Variants in ZC3H3 observed in about 807,000 individuals in gnomAD.
The protein encoded by ZC3H3 is zinc finger CCCH-type containing 3, also known as zinc finger CCCH domain-containing protein 3.
In ZC3H3, 36 loss-of-function variants were observed where a neutral mutation model predicts 77.3. That is an observed-to-expected ratio of 0.47 (90% CI 0.36 to 0.61). ZC3H3 has a LOEUF of 0.61. ZC3H3 is among the 20% of genes least tolerant of loss of function. The pLI, the probability that ZC3H3 is intolerant of heterozygous loss-of-function variation, is 0.00. For synonymous variants in ZC3H3, 626 were observed against 555.2 expected, an observed-to-expected ratio of 1.13 and a Z score of -1.79; for missense variants, 1,331 against 1,312.2, an observed-to-expected ratio of 1.01 and a Z score of -0.22.
At chr8:143,528,746 G>A (rs961173392) in intron 3 of ZC3H3, among the ~76,000 whole-genome samples, 3 of 152,208 alleles carry the variant, frequency 2.0e-5, no homozygotes, top group African/African-American at 7.2e-5. Context: ...GCTAAGCATG[G>A]TGACTGCCCC....
intron 4 of ZC3H3, among the ~76,000 whole-genome samples, chr8:143,490,479 C>G (rs748626205): frequency 1.3e-5 from 2 of 152,264 alleles, no homozygotes; most frequent in Non-Finnish European, 2.9e-5. Context: ...TGCTGTCACC[C>G]TCCTCCCCAG....
intron 4 of ZC3H3, among the ~76,000 whole-genome samples, chr8:143,499,439 C>T (rs940053614): frequency 6.6e-6 from 1 of 152,112 alleles, no homozygotes; most frequent in Non-Finnish European, 1.5e-5. Flanking sequence ...GCCCCTCTGT[C>T]CTGAGTGGGC....
chr8:143,472,038 C>A (rs902451749), intron 5 of ZC3H3, among the ~76,000 whole-genome samples: 2 of 151,924 alleles, frequency 1.3e-5, no homozygotes, highest in Non-Finnish European at 1.5e-5. Context: ...GGCTGGCCAG[C>A]GGGACACCGG....
At chr8:143,483,020 T>C (rs1185096084) in intron 4 of ZC3H3, among the ~76,000 whole-genome samples, 1 of 152,154 alleles carries the variant, frequency 6.6e-6, no homozygotes, top group African/African-American at 2.4e-5. Context: ...CAACGTGCAG[T>C]AAACAGGCAG....
intron 4 of ZC3H3, among the ~76,000 whole-genome samples, chr8:143,491,735 CCCT>C (rs1280508057): frequency 6.6e-6 from 1 of 152,226 alleles, no homozygotes; most frequent in African/African-American, 2.4e-5. Flanking sequence ...AGCAGAGCTG[CCCT>C]CAGGGGCAGG....
rs965826165 is a variant in ZC3H3 at position 143,518,717 on chromosome 8, G to A, written c.1562-10818C>T. Among the ~76,000 whole-genome samples the A allele has an allele frequency of 3.9e-5, 6 of 152,316 alleles. No homozygotes were observed. The East Asian group carries it at 5.8e-4, about 15-fold the overall frequency. On this transcript the variant is annotated intron_variant, in intron 3 of 11. Coordinates refer to ENST00000262577, the MANE Select transcript of ZC3H3 (RefSeq NM_015117.3). ...GGCCCACCAAAGCTGGAGATGGCAC[G>A]TGGGAGCCACAATCGCAGTCTCAGG...
chr8:143,455,462 C>T (rs1232399316), intron 9 of ZC3H3, among the ~76,000 whole-genome samples: 1 of 152,142 alleles, frequency 6.6e-6, no homozygotes, highest in Non-Finnish European at 1.5e-5. Flanking sequence ...TGCCACTGCA[C>T]TGCACTCCAG....
intron 9 of ZC3H3, among the ~76,000 whole-genome samples, chr8:143,455,794 G>A (rs1245615279): frequency 6.6e-6 from 1 of 151,500 alleles, no homozygotes; most frequent in Non-Finnish European, 1.5e-5. Flanking sequence ...CCAACATGGT[G>A]AAACCCCGTC....
At chr8:143,489,444 G>A (rs1443380912) in intron 4 of ZC3H3, among the ~76,000 whole-genome samples, 1 of 152,166 alleles carries the variant, frequency 6.6e-6, no homozygotes, top group Non-Finnish European at 1.5e-5. Context: ...TCCCACCGCG[G>A]CTGGGCCACG....
chr8:143,488,370 AT>A lies in ZC3H3; in HGVS notation c.1716-12786del, dbSNP rs1821101703. ...AGAACAGCACCCGCTACACGGCCCC[AT>A]CACCACGAAGCTCACACACAGAACA... is the stretch of plus-strand genomic sequence containing the variant. On this transcript the variant is annotated intron_variant, in intron 4 of 11. Coordinates refer to ENST00000262577, the MANE Select transcript of ZC3H3 (RefSeq NM_015117.3). Among the ~76,000 whole-genome samples the A allele has an allele frequency of 7.7e-5, 7 of 90,396 alleles. 1 individual carries two copies. Among genetic ancestry groups the A allele is most frequent in the African/African-American group, 3.8e-4 (7 of 18,408 alleles). The allele number at this position is 90,396 out of a possible 152,430, so 59.3% of individuals were successfully genotyped here. A position where few individuals can be genotyped will look rare whatever the true frequency, so the allele number is the denominator to read the frequency against.
chr8:143,467,955 G>C (rs1415557143), intron 8 of ZC3H3, among the ~76,000 whole-genome samples: 1 of 152,198 alleles, frequency 6.6e-6, no homozygotes, highest in Non-Finnish European at 1.5e-5. Context: ...GCCTGGTGCT[G>C]CCAGGAGAAG....
rs551776128 is a variant in ZC3H3, at chr8:143,534,279, T to TAAAA, written c.1561+1974_1561+1977dup. Among the ~76,000 whole-genome samples, 8 of 123,504 alleles carry TAAAA rather than the reference T, an allele frequency of 6.5e-5. 1 individual carries two copies. The South Asian group carries it at 8.5e-4, about 13-fold the overall frequency. 81.0% of individuals were successfully genotyped at this position (123,504 alleles called of 152,430 possible). On this transcript the variant is annotated intron_variant, in intron 3 of 11. Coordinates refer to ENST00000262577, the MANE Select transcript of ZC3H3 (RefSeq NM_015117.3). ...AGCAGGGCCCTGTTTCTAAAAACAT[T>TAAAA]AAAAAAAAAAAAAAAAACGACGAGA...
intron 10 of ZC3H3, among the ~76,000 whole-genome samples, chr8:143,440,687 G>T (rs1259783125): frequency 6.6e-6 from 1 of 152,232 alleles, no homozygotes; most frequent in Non-Finnish European, 1.5e-5. Context: ...CGGTCCCAGT[G>T]AGCAGGTCTC....
intron 9 of ZC3H3, among the ~76,000 whole-genome samples, chr8:143,459,926 C>T (rs4874134): frequency 0.12 from 18,431 of 152,096 alleles, 1,228 homozygotes; most frequent in South Asian, 0.18. Context: ...CCCACAGTTG[C>T]CATTTTAATT....
chr8:143,512,262 T>A lies in ZC3H3; in HGVS notation c.1562-4363A>T, dbSNP rs367896625. ...GCATTCCGGCCAGTCAGGCCCCCCATCCCTAATTCCTGAAGATTCCACCTT... is the reference window on the plus strand; with the variant it reads ...GCATTCCGGCCAGTCAGGCCCCCCAACCCTAATTCCTGAAGATTCCACCTT... On this transcript the variant is annotated intron_variant, in intron 3 of 11. Transcript: ENST00000262577. Among the ~76,000 whole-genome samples the A allele has an allele frequency of 2.4e-4, 37 of 152,320 alleles. No individual in the cohort carries two copies. The South Asian group carries it at 7.2e-3, about 30-fold the overall frequency.
Position 143,437,794 on chromosome 8 carries a change from A to T in ZC3H3, c.*262T>A. ...CCACTGTTGCCAATGGCAGTCGGGGACAGGCCTGGAGGCCAGCCCTGCCTG... is the reference window on the plus strand; with the variant it reads ...CCACTGTTGCCAATGGCAGTCGGGGTCAGGCCTGGAGGCCAGCCCTGCCTG... On this transcript the variant is annotated 3_prime_UTR_variant, in exon 12 of 12. Transcript: ENST00000262577. 1.9e-6 allele frequency: 1 copy of T among 531,334 alleles called. No homozygotes were observed. Among genetic ancestry groups the T allele is most frequent in the East Asian group, 3.2e-5 (1 of 31,518 alleles). The allele number at this position is 531,334 out of a possible 1,614,324, so 32.9% of individuals were successfully genotyped here. A position where few individuals can be genotyped will look rare whatever the true frequency, so the allele number is the denominator to read the frequency against.
rs1470481188 is a variant in ZC3H3, at chr8:143,468,489, C to G, written c.1998G>C (p.Arg666Ser). The G allele has an allele frequency of 6.2e-7, 1 of 1,608,362 alleles. No homozygotes were observed. Among genetic ancestry groups the G allele is most frequent in the Non-Finnish European group, 8.5e-7 (1 of 1,178,196 alleles). ...LAIIRQARQRREKRKEYCMYY... is the reference protein window; with the variant it reads ...LAIIRQARQRSEKRKEYCMYY... ...ACATGCAGTACTCCTTCCTCTTCTC[C>G]CTGCGCTGCCGCGCCTGCCGGATGA... The change falls in exon 7 of 12, where the codon AGG becomes AGC. Residue 666 changes from arginine (R) to serine (S), a missense_variant. Physicochemically the swap from Arg to Ser is moderately radical, Grantham distance 110 (BLOSUM62 -1). Transcript: ENST00000262577.
intron 4 of ZC3H3, among the ~76,000 whole-genome samples, chr8:143,505,922 C>T (rs1041225428): frequency 6.6e-6 from 1 of 152,216 alleles, no homozygotes; most frequent in Non-Finnish European, 1.5e-5. Flanking sequence ...GAGTCACGGC[C>T]GCTCCCTGCA....
intron 3 of ZC3H3, chr8:143,523,290 G>A (rs1822308478): frequency 2.0e-6 from 2 of 983,646 alleles, no homozygotes; most frequent in South Asian, 9.4e-5. Context: ...CTATAGCAAA[G>A]ACAGACGCAC....
Sources: allele counts gnomAD v4.1 joint callset (sites outside exome capture counted in the v4.1 genomes callset), GRCh38; gene constraint gnomAD v4.1.1; transcripts MANE v1.5; gene names NCBI Gene and HGNC (gene_info 2026-07-23, HGNC 2026-07-21).